Variants in NAV2 observed in about 807,000 individuals in gnomAD.
NAV2 encodes the protein neuron navigator 2.
NAV2 carries 54 observed loss-of-function variants against 223.2 expected under a neutral mutation model. The observed-to-expected ratio is 0.24, with a 90% CI of 0.19 to 0.30. The LOEUF (loss-of-function observed/expected upper bound fraction) is 0.30, where lower values mean the gene tolerates loss of function less well. NAV2 is among the 10% of genes least tolerant of loss of function. The pLI, the probability that NAV2 is intolerant of heterozygous loss-of-function variation, is 1.00. For missense variants in NAV2, 2,806 were observed against 3,147.5 expected (o/e 0.89, Z 2.60); for synonymous variants, 1,279 against 1,239.3 (o/e 1.03, Z -0.67).
intron 26 of NAV2, among the ~76,000 whole-genome samples, chr11:20,084,788 A>G (rs755670377): frequency 3.7e-4 from 57 of 152,306 alleles, no homozygotes; most frequent in Non-Finnish European, 6.6e-4. Context: ...TCTCCTGACC[A>G]GGAGAAAAAG....
At chr11:19,924,363 C>T (rs966357449) in intron 6 of NAV2, among the ~76,000 whole-genome samples, 2 of 151,206 alleles carry the variant, frequency 1.3e-5, no homozygotes, top group Non-Finnish European at 2.9e-5. Flanking sequence ...TACCTCATCA[C>T]CCATGGTTTC....
At chr11:19,791,351 C>A (rs1767973686) in intron 1 of NAV2, among the ~76,000 whole-genome samples, 1 of 152,166 alleles carries the variant, frequency 6.6e-6, no homozygotes, top group Non-Finnish European at 1.5e-5. Flanking sequence ...CCAGCCCGCC[C>A]CTTGTACTGC....
At chr11:19,389,836 G>A (rs1849180371) in intron 1 of NAV2, among the ~76,000 whole-genome samples, 1 of 152,176 alleles carries the variant, frequency 6.6e-6, no homozygotes, top group South Asian at 2.1e-4. Flanking sequence ...AGCCCACATT[G>A]CTAAGCTCTT....
chr11:20,033,120 C>G (rs557610353), intron 11 of NAV2, among the ~76,000 whole-genome samples: 1 of 152,338 alleles, frequency 6.6e-6, no homozygotes, highest in African/African-American at 2.4e-5. Flanking sequence ...GCTTTTTAAA[C>G]CCAGTTCCAA....
chr11:19,760,705 G>A (rs2054666247), intron 1 of NAV2, among the ~76,000 whole-genome samples: 1 of 152,148 alleles, frequency 6.6e-6, no homozygotes, highest in African/African-American at 2.4e-5. Flanking sequence ...TTCTGAGAAG[G>A]AATTTAGCTA....
intron 11 of NAV2, chr11:20,027,404 G>A (rs1334442173): frequency 4.2e-5 from 41 of 984,876 alleles, no homozygotes; most frequent in Middle Eastern, 5.2e-4. Flanking sequence ...CTGGCGGGGG[G>A]CATGGGCCAG....
intron 25 of NAV2, among the ~76,000 whole-genome samples, chr11:20,082,061 CT>C (rs1354186786): frequency 1.3e-5 from 2 of 152,000 alleles, no homozygotes; most frequent in African/African-American, 4.8e-5. Context: ...TAATAAATTT[CT>C]TTAAAATAAC....
chr11:19,902,059 C>G (rs1472873111), intron 6 of NAV2, among the ~76,000 whole-genome samples: 2 of 152,072 alleles, frequency 1.3e-5, no homozygotes, highest in Non-Finnish European at 2.9e-5. Flanking sequence ...CTTGGTGGTA[C>G]TTTATGTGGA....
chr11:19,954,855 ATGTG>A (rs1555167624), intron 10 of NAV2, among the ~76,000 whole-genome samples: 1 of 150,800 alleles, frequency 6.6e-6, no homozygotes, highest in African/African-American at 2.4e-5. Context: ...ATGTGAGTAT[ATGTG>A]TGTGTGTATA....
At chr11:19,362,384 AGCTTTGTCACAAGG>A (rs906938434) in intron 1 of NAV2, among the ~76,000 whole-genome samples, 11 of 152,142 alleles carry the variant, frequency 7.2e-5, no homozygotes, top group African/African-American at 2.4e-4. Flanking sequence ...TTTTAAATTG[AGCTTTGTCACAAGG>A]GTAATATCAA....
intron 11 of NAV2, among the ~76,000 whole-genome samples, chr11:20,006,563 T>C (rs1427923518): frequency 1.3e-5 from 2 of 152,068 alleles, no homozygotes; most frequent in African/African-American, 4.8e-5. Context: ...TAATCCCAGC[T>C]ACTTGAGAGG....
chr11:19,552,057 G>A (rs2044708121), intron 1 of NAV2, among the ~76,000 whole-genome samples: 1 of 152,188 alleles, frequency 6.6e-6, no homozygotes. Context: ...TTATTGATGA[G>A]GCCTGTGCTC....
At chr11:19,988,967 G>A (rs1822273) in intron 11 of NAV2, among the ~76,000 whole-genome samples, 105,938 of 152,050 alleles carry the variant, frequency 0.7, 37,825 homozygotes, top group Middle Eastern at 0.83. Context: ...TGCAATTGGC[G>A]CCCTTACCAG....
At chr11:19,622,040 T>A (rs187473018) in intron 1 of NAV2, among the ~76,000 whole-genome samples, 169 of 152,360 alleles carry the variant, frequency 1.1e-3, no homozygotes, top group Non-Finnish European at 2.1e-3. Flanking sequence ...GAGCAGGTTG[T>A]TTAGTTTCCA....
intron 1 of NAV2, among the ~76,000 whole-genome samples, chr11:19,646,602 T>A (rs549385808): frequency 3.3e-5 from 5 of 152,150 alleles, no homozygotes; most frequent in Non-Finnish European, 7.4e-5. Context: ...GTACAGGATC[T>A]GGGGAGCTTC....
intron 12 of NAV2, among the ~76,000 whole-genome samples, chr11:20,041,172 T>C (rs2056885127): frequency 6.6e-6 from 1 of 152,168 alleles, no homozygotes; most frequent in South Asian, 2.1e-4. Flanking sequence ...TAGGTGCTAC[T>C]GAGTATGCAC....
At chr11:19,544,231 G>A (rs1056258002) in intron 1 of NAV2, among the ~76,000 whole-genome samples, 31 of 152,208 alleles carry the variant, frequency 2.0e-4, no homozygotes, top group Non-Finnish European at 4.1e-4. Flanking sequence ...GAATGAGAAC[G>A]AGATGGACTT....
intron 11 of NAV2, among the ~76,000 whole-genome samples, chr11:19,986,967 C>T (rs1268655185): frequency 6.6e-6 from 1 of 152,168 alleles, no homozygotes; most frequent in Non-Finnish European, 1.5e-5. Flanking sequence ...GGGAGGCTAT[C>T]ATGGTGGTAT....
intron 5 of NAV2, among the ~76,000 whole-genome samples, chr11:19,889,389 G>A (rs756959556): frequency 6.6e-6 from 1 of 152,184 alleles, no homozygotes; most frequent in Non-Finnish European, 1.5e-5. Flanking sequence ...TCTCTGAATG[G>A]TGGGAAAAAG....
Sources: gnomAD v4.1 joint callset for allele counts (sites outside exome capture counted in the v4.1 genomes callset) on GRCh38, gnomAD v4.1.1 for gene constraint, MANE v1.5 for transcripts, NCBI Gene and HGNC (gene_info 2026-07-23, HGNC 2026-07-21) for gene names.